RASSF2: variants seen among roughly 807,000 people sequenced by gnomAD.
The protein encoded by RASSF2 is ras association domain-containing protein 2.
RASSF2 carries 34 observed loss-of-function variants against 46.3 expected under a neutral mutation model. That is an observed-to-expected ratio of 0.73 (90% CI 0.56 to 0.98). The LOEUF is 0.98. Ranked by LOEUF, RASSF2 falls within the 50% of genes least tolerant of loss-of-function variation. The pLI, the probability that RASSF2 is intolerant of heterozygous loss-of-function variation, is 0.00. For synonymous variants in RASSF2, 158 were observed against 162.5 expected (o/e 0.97, Z 0.21); for missense variants, 364 against 431.2 (o/e 0.84, Z 1.38).
intron 8 of RASSF2, among the ~76,000 whole-genome samples, chr20:4,788,691 A>G (rs918722612): frequency 6.6e-6 from 1 of 152,256 alleles, no homozygotes; most frequent in Non-Finnish European, 1.5e-5. Flanking sequence ...ATCTAAACAT[A>G]TCTAAACACA....
chr20:4,814,514 G>C (rs1490550084), intron 2 of RASSF2, among the ~76,000 whole-genome samples: 1 of 152,112 alleles, frequency 6.6e-6, no homozygotes, highest in East Asian at 1.9e-4. Context: ...TCGCCACCTG[G>C]GGACAGGACT....
chr20:4,815,163 C>T (rs1928196421), intron 2 of RASSF2: 1 of 152,256 alleles, frequency 6.6e-6, no homozygotes, highest in Non-Finnish European at 1.5e-5. Flanking sequence ...CCACCTGACC[C>T]ACTCCCGTGA....
intron 1 of RASSF2, among the ~76,000 whole-genome samples, chr20:4,822,716 G>A (rs988301358): frequency 2.6e-5 from 4 of 152,264 alleles, no homozygotes; most frequent in African/African-American, 9.6e-5. Context: ...GGAGGGCGGG[G>A]AGACCGCAAA....
intron 11 of RASSF2, among the ~76,000 whole-genome samples, chr20:4,784,592 C>CAAAAAAA (rs71197728): frequency 1.1e-5 from 1 of 89,864 alleles, no homozygotes; most frequent in African/African-American, 4.2e-5. Context: ...AACATCTAGC[C>CAAAAAAA]AAAAAAAAAA....
intron 2 of RASSF2, among the ~76,000 whole-genome samples, chr20:4,814,828 G>T (rs571399473): frequency 6.6e-6 from 1 of 152,320 alleles, no homozygotes; most frequent in East Asian, 1.9e-4. Context: ...TCCAGGGGAA[G>T]TTTGCCACAG....
Position 4,802,914 on chromosome 20 carries a change from A to ATTTTT in RASSF2, c.-32-1857_-32-1853dup, listed in dbSNP as rs60825053. Among the ~76,000 whole-genome samples the ATTTTT allele has an allele frequency of 1.2e-3, 115 of 95,576 alleles. 1 individual carries two copies. The highest frequency in any genetic ancestry group is 2.5e-3 in the African/African-American group (80 of 31,526). The allele number at this position is 95,576 out of a possible 152,430, so 62.7% of individuals were successfully genotyped here. A position where few individuals can be genotyped will look rare whatever the true frequency, so the allele number is the denominator to read the frequency against. ...TATATATACATATATATATATATAT[A>ATTTTT]TTTTTTTTTTTTGAGACAGAGACTC... On this transcript the variant is annotated intron_variant, in intron 2 of 11. Transcript: ENST00000379400.
intron 2 of RASSF2, among the ~76,000 whole-genome samples, chr20:4,810,888 A>G (rs538384540): frequency 1.1e-3 from 167 of 152,176 alleles, no homozygotes; most frequent in African/African-American, 3.9e-3. Context: ...CCACAGAGCC[A>G]CCACCTGACC....
Position 4,812,810 on chromosome 20 carries a change from G to A in RASSF2, c.-33+9519C>T, listed in dbSNP as rs191102415. On this transcript the variant is annotated intron_variant, in intron 2 of 11. Transcript: ENST00000379400. The surrounding 1 kb of genome is among the most constrained non-coding windows in gnomAD (Gnocchi z 4.0). Reference sequence around the variant, plus strand: ...GTGGCTTGTCCCAGGTGGCACAGCCGACATGCAGCCCAGTGCTCCTGTGGC... The same window carrying A: ...GTGGCTTGTCCCAGGTGGCACAGCCAACATGCAGCCCAGTGCTCCTGTGGC... 1.6e-4 allele frequency among the ~76,000 whole-genome samples: 25 copies of A among 152,282 alleles called. No individual in the cohort carries two copies. Among genetic ancestry groups the A allele is most frequent in the Admixed American group, 1.2e-3 (19 of 15,298 alleles).
At chr20:4,819,899 G>T (rs1928579883) in intron 2 of RASSF2, among the ~76,000 whole-genome samples, 1 of 152,206 alleles carries the variant, frequency 6.6e-6, no homozygotes, top group South Asian at 2.1e-4. Flanking sequence ...GGATGAGAGG[G>T]TCCCTCTCTG....
At chr20:4,788,619 A>G (rs2422988) in intron 8 of RASSF2, among the ~76,000 whole-genome samples, 62,861 of 152,058 alleles carry the variant, frequency 0.41, 13,176 homozygotes, top group African/African-American at 0.46. Flanking sequence ...GTACAAACCT[A>G]TACAGCATGT....
chr20:4,822,039 G>A (rs1055841700), intron 2 of RASSF2, among the ~76,000 whole-genome samples: 3 of 152,168 alleles, frequency 2.0e-5, no homozygotes, highest in East Asian at 1.9e-4. Context: ...ATATATCTTC[G>A]CCATGCGAGG....
intron 2 of RASSF2, among the ~76,000 whole-genome samples, chr20:4,813,881 A>G (rs1471838036): frequency 1.3e-5 from 2 of 152,004 alleles, no homozygotes; most frequent in Non-Finnish European, 2.9e-5. Context: ...TGGTATGTGT[A>G]GAATTAGACT....
chr20:4,818,735 T>C (rs1192894426), intron 2 of RASSF2, among the ~76,000 whole-genome samples: 2 of 152,192 alleles, frequency 1.3e-5, no homozygotes, highest in African/African-American at 4.8e-5. Context: ...TTTCCTCACC[T>C]AACCTAAGAG....
chr20:4,809,766 G>C (rs368941298), intron 2 of RASSF2, among the ~76,000 whole-genome samples: 1 of 152,158 alleles, frequency 6.6e-6, no homozygotes, highest in Non-Finnish European at 1.5e-5. Flanking sequence ...GAGGCAGGAC[G>C]GGGGCAGTGG....
Position 4,784,030 on chromosome 20 carries a change from T to G in RASSF2, c.*243A>C. The G allele has an allele frequency of 1.8e-6, 1 of 549,828 alleles. No homozygotes were observed. The allele number at this position is 549,828 out of a possible 1,614,324, so 34.1% of individuals were successfully genotyped here. A position where few individuals can be genotyped will look rare whatever the true frequency, so the allele number is the denominator to read the frequency against. On this transcript the variant is annotated 3_prime_UTR_variant, in exon 12 of 12. Transcript: ENST00000379400. Reference sequence around the variant, plus strand: ...TGCACACACATGTACACACACACATTTTGGGTCCTCCTTATAACTAAAATC... The same window carrying G: ...TGCACACACATGTACACACACACATGTTGGGTCCTCCTTATAACTAAAATC...
Position 4,796,400 on chromosome 20 carries a change from T to C in RASSF2, c.136-434A>G, listed in dbSNP as rs552773077. On this transcript the variant is annotated intron_variant, in intron 4 of 11. Transcript: ENST00000379400. The stretch of plus-strand genomic sequence containing the variant: ...ACAACATCTGTTTAGCAATCCAACC[T>C]GGTGGTTGAAGGAAATTTAAAGCAA... Among the ~76,000 whole-genome samples the C allele has an allele frequency of 6.6e-5, 10 of 152,316 alleles. No individual in the cohort carries two copies. In the East Asian group the frequency reaches 1.9e-3, roughly 29 times the overall value.
At chr20:4,800,820 C>T (rs1926798691) in intron 3 of RASSF2, 152 bp downstream of exon 3, 2 of 694,304 alleles carry the variant, frequency 2.9e-6, no homozygotes, top group Admixed American at 2.5e-5. Flanking sequence ...TCTTACAAGT[C>T]CAAGTTCAGC....
At chr20:4,786,097 T>TG in intron 11 of RASSF2, 134 bp downstream of exon 11, 1 of 723,064 alleles carries the variant, frequency 1.4e-6, no homozygotes, top group Non-Finnish European at 2.4e-6. Context: ...GGTTTGTCAA[T>TG]GGGCAGCCCT....
intron 11 of RASSF2, among the ~76,000 whole-genome samples, chr20:4,785,487 A>G (rs1345386842): frequency 1.3e-5 from 2 of 152,226 alleles, no homozygotes; most frequent in African/African-American, 2.4e-5. Context: ...TAATTCCACC[A>G]TATCTATGAA....
Sources: gnomAD v4.1 joint callset for allele counts (sites outside exome capture counted in the v4.1 genomes callset) on GRCh38, gnomAD v4.1.1 for gene constraint, Gnocchi (gnomAD v3.1) non-coding constraint, MANE v1.5 for transcripts, NCBI Gene and HGNC (gene_info 2026-07-23, HGNC 2026-07-21) for gene names.